Variants in CCDC60 observed in about 807,000 individuals in gnomAD.
The protein encoded by CCDC60 is coiled-coil domain-containing protein 60.
In CCDC60, 54 loss-of-function variants were observed where a neutral mutation model predicts 63.5. The observed-to-expected ratio is 0.85, with a 90% confidence interval of 0.68 to 1.07. The LOEUF (loss-of-function observed/expected upper bound fraction) is 1.07, where lower values mean the gene tolerates loss of function less well. CCDC60 is among the 50% of genes least tolerant of loss of function. The probability of loss-of-function intolerance (pLI) is 0.00; values close to 1 mark genes in which losing one functional copy is unlikely to be tolerated. For missense variants in CCDC60, 651 were observed against 684.3 expected (o/e 0.95, Z 0.54); for synonymous variants, 206 against 238.8 (o/e 0.86, Z 1.27).
chr12:119,419,940 G>A (rs534237761), intron 1 of CCDC60, among the ~76,000 whole-genome samples: 25 of 139,784 alleles, frequency 1.8e-4, no homozygotes, highest in Admixed American at 8.6e-4. Context: ...GCAGTGGCAC[G>A]ATCTCGGCTC....
chr12:119,397,122 T>C (rs1317834945), intron 1 of CCDC60, among the ~76,000 whole-genome samples: 1 of 152,236 alleles, frequency 6.6e-6, no homozygotes, highest in African/African-American at 2.4e-5. Context: ...TGTGAGTTCA[T>C]GCTCTCGCTG....
intron 1 of CCDC60, among the ~76,000 whole-genome samples, chr12:119,350,100 C>T (rs960208267): frequency 1.1e-4 from 16 of 152,168 alleles, no homozygotes; most frequent in African/African-American, 3.9e-4. Context: ...TTCAGGCAGG[C>T]CACCCAGGAG....
intron 2 of CCDC60, among the ~76,000 whole-genome samples, chr12:119,430,868 G>A (rs1950217579): frequency 6.6e-6 from 1 of 152,134 alleles, no homozygotes; most frequent in Non-Finnish European, 1.5e-5. Flanking sequence ...GGCTCCAGCA[G>A]ACTAATACGT....
At chr12:119,418,945 G>A (rs538501239) in intron 1 of CCDC60, among the ~76,000 whole-genome samples, 33 of 152,292 alleles carry the variant, frequency 2.2e-4, no homozygotes, top group African/African-American at 7.0e-4. Context: ...GCCAGCAGGC[G>A]GCACAGGTAG....
chr12:119,392,472 G>A (rs971507467), intron 1 of CCDC60, among the ~76,000 whole-genome samples: 2 of 152,154 alleles, frequency 1.3e-5, no homozygotes, highest in Non-Finnish European at 2.9e-5. Context: ...CTGTAAAATG[G>A]TGATAATAAT....
intron 13 of CCDC60, among the ~76,000 whole-genome samples, chr12:119,539,722 A>G (rs1409303228): frequency 2.6e-5 from 4 of 152,198 alleles, no homozygotes; most frequent in Non-Finnish European, 5.9e-5. Context: ...CAGGTGCCAC[A>G]GGGGTATAAG....
At chr12:119,450,651 G>C (rs956508083) in intron 2 of CCDC60, among the ~76,000 whole-genome samples, 1 of 152,262 alleles carries the variant, frequency 6.6e-6, no homozygotes. Context: ...AAGGTCAAGA[G>C]ATGGAGACCA....
chr12:119,520,518 T>G (rs1347913762), intron 9 of CCDC60, among the ~76,000 whole-genome samples: 1 of 151,618 alleles, frequency 6.6e-6, no homozygotes, highest in African/African-American at 2.4e-5. Flanking sequence ...TTACCCCAAT[T>G]TATTTGTTCA....
intron 1 of CCDC60, among the ~76,000 whole-genome samples, chr12:119,407,507 G>T (rs1381681649): frequency 6.6e-6 from 1 of 152,146 alleles, no homozygotes; most frequent in Non-Finnish European, 1.5e-5. Context: ...ACTCCAGTCT[G>T]GGTGACAGAG....
intron 1 of CCDC60, among the ~76,000 whole-genome samples, chr12:119,364,316 C>G (rs185952473): frequency 3.3e-5 from 5 of 152,274 alleles, no homozygotes; most frequent in Admixed American, 2.6e-4. Flanking sequence ...CCATCCTAAT[C>G]AAGATATAGA....
chr12:119,391,325 T>C (rs1345556876), intron 1 of CCDC60, among the ~76,000 whole-genome samples: 6 of 152,234 alleles, frequency 3.9e-5, no homozygotes, highest in Admixed American at 2.6e-4. Context: ...TCAGGACTTA[T>C]AGAGGACATT....
At position 119,518,060 on chromosome 12, in the gene CCDC60, C is replaced by G. The variant is rs118023559; in HGVS notation, c.968+1353C>G. ...ACAATTACAGTTCACTGCGCACTTT[C>G]ACATGCATCACACCTCGCCTCTGCT... On this transcript the variant is annotated intron_variant, in intron 8 of 13. Coordinates refer to ENST00000327554, the MANE Select transcript of CCDC60 (RefSeq NM_178499.5). 2.2e-4 allele frequency among the ~76,000 whole-genome samples: 34 copies of G among 152,284 alleles called. No homozygotes were observed. The East Asian group carries it at 6.2e-3, about 28-fold the overall frequency.
In CCDC60 at chr12:119,456,968, A is replaced by C. The variant is rs1043797579; in HGVS notation, c.171-15026A>C. 2.6e-5 allele frequency among the ~76,000 whole-genome samples: 4 copies of C among 152,248 alleles called. No homozygotes were observed. Among genetic ancestry groups the C allele is most frequent in the African/African-American group, 9.6e-5 (4 of 41,468 alleles). On this transcript the variant is annotated intron_variant, in intron 2 of 13. Coordinates refer to ENST00000327554, the MANE Select transcript of CCDC60 (RefSeq NM_178499.5). This position sits in a 1 kb window ranked among gnomAD's most constrained non-coding sequence, Gnocchi z 4.6. ...CTTTAACTGTCTGGGAATGCAGCCC[A>C]GTAGGTCTCAGCATCATTTTACCTA...
intron 1 of CCDC60, among the ~76,000 whole-genome samples, chr12:119,400,198 A>T (rs974807541): frequency 6.6e-6 from 1 of 151,836 alleles, no homozygotes; most frequent in Non-Finnish European, 1.5e-5. Context: ...TACAGGCGCC[A>T]GCCACCACGC....
At position 119,464,304 on chromosome 12, in the gene CCDC60, C is replaced by G. The variant is rs1481729341; in HGVS notation, c.171-7690C>G. Among the ~76,000 whole-genome samples the G allele has an allele frequency of 5.1e-4, 46 of 90,452 alleles. 6 individuals carry two copies. Among genetic ancestry groups the G allele is most frequent in the Non-Finnish European group, 9.1e-4 (42 of 46,084 alleles). 59.3% of individuals were successfully genotyped at this position (90,452 alleles called of 152,430 possible). On this transcript the variant is annotated intron_variant, in intron 2 of 13. Transcript: ENST00000327554. Reference sequence around the variant, plus strand: ...CAGAGTTGGGTTGCAAGAGCAACCCCCCCCCCACTCTTCCTTACTTCCTCT... The same window carrying G: ...CAGAGTTGGGTTGCAAGAGCAACCCGCCCCCCACTCTTCCTTACTTCCTCT...
chr12:119,508,257 C>T (rs1952107464), intron 7 of CCDC60, among the ~76,000 whole-genome samples: 1 of 151,836 alleles, frequency 6.6e-6, no homozygotes, highest in African/African-American at 2.4e-5. Context: ...CTGAGGTGGG[C>T]TTATCAAAAG....
intron 8 of CCDC60, among the ~76,000 whole-genome samples, chr12:119,518,078 C>G (rs905920295): frequency 1.3e-5 from 2 of 152,168 alleles, no homozygotes; most frequent in African/African-American, 4.8e-5. Context: ...TCACACCTCG[C>G]CTCTGCTTGT....
rs762259058 is a variant in CCDC60, at chr12:119,488,865, A to C, written c.556A>C (p.Lys186Gln). The stretch of plus-strand genomic sequence containing the variant: ...GCCTGTGATCACCTGCTGGAACCCA[A>C]AGTATGCCTCAGCCCTTCAACTTGT... The part of the protein sequence containing the change: ...MKPVITCWNP[K>Q]DPGGSKSTIK... The change falls in exon 5 of 14, where the codon AAG becomes CAG. Residue 186 changes from lysine (K) to glutamine (Q), a missense_variant and splice_region_variant. Transcript: ENST00000327554. The C allele has an allele frequency of 6.2e-7, 1 of 1,612,012 alleles. No individual in the cohort carries two copies. Among genetic ancestry groups the C allele is most frequent in the East Asian group, 2.2e-5 (1 of 44,870 alleles).
intron 5 of CCDC60, among the ~76,000 whole-genome samples, chr12:119,490,557 CCTT>C (rs747130295): frequency 5.3e-4 from 80 of 151,184 alleles, no homozygotes; most frequent in African/African-American, 1.6e-3. Context: ...ATTTTTCATG[CCTT>C]CTTCTTCTTT....
Sources: allele counts gnomAD v4.1 joint callset (sites outside exome capture counted in the v4.1 genomes callset), GRCh38; gene constraint gnomAD v4.1.1; non-coding constraint Gnocchi (gnomAD v3.1); transcripts MANE v1.5; gene names NCBI Gene and HGNC (gene_info 2026-07-23, HGNC 2026-07-21).